The following ECM2 variants were observed in gnomAD, a reference collection of about 807,000 sequenced individuals.
The protein encoded by ECM2 is extracellular matrix protein 2, female organ and adipocyte specific.
A neutral mutation model predicts 67.5 loss-of-function variants in ECM2; 57 were observed. The observed-to-expected ratio is 0.84, with a 90% CI of 0.68 to 1.05. ECM2 has a LOEUF of 1.05. Ranked by LOEUF, ECM2 falls within the 50% of genes least tolerant of loss-of-function variation. The pLI is 0.00. For missense variants in ECM2, 741 were observed against 822.8 expected, an observed-to-expected ratio of 0.90 and a Z score of 1.22; for synonymous variants, 258 against 294.5, an observed-to-expected ratio of 0.88 and a Z score of 1.27.
chr9:92,510,081 T>C, intron 5 of ECM2, 47 bp from the exon 6 acceptor site: 1 of 1,553,474 alleles, frequency 6.4e-7, no homozygotes, highest in Non-Finnish European at 8.6e-7. Flanking sequence ...GTCACAGCTG[T>C]GCAGTCACAT....
chr9:92,536,217 G>T, upstream of ECM2: 1 of 336,372 alleles, frequency 3.0e-6, no homozygotes, highest in Non-Finnish European at 5.6e-6. Context: ...AGTGGGTGTG[G>T]GGGAAGAGCA....
chr9:92,497,075 T>C (rs768822544), intron 9 of ECM2, among the ~76,000 whole-genome samples: 1 of 152,150 alleles, frequency 6.6e-6, no homozygotes, highest in African/African-American at 2.4e-5. Context: ...TAAAATTACA[T>C]ACACACTTTA....
the ECM2 span, among the ~76,000 whole-genome samples, chr9:92,545,925 G>A: frequency 6.6e-6 from 1 of 152,026 alleles, no homozygotes. Flanking sequence ...GTCTAGCTAA[G>A]GGATTGTGAA....
the ECM2 span, among the ~76,000 whole-genome samples, chr9:92,545,916 T>C: frequency 6.6e-6 from 1 of 152,256 alleles, no homozygotes; most frequent in African/African-American, 2.4e-5. Context: ...AACCTTTATG[T>C]CTAGCTAAGG....
the ECM2 span, among the ~76,000 whole-genome samples, chr9:92,551,964 G>GATATATATA: frequency 5.7e-5 from 6 of 105,558 alleles, no homozygotes; most frequent in South Asian, 2.5e-4. Flanking sequence ...ATATATATAT[G>GATATATATA]TGTGATATAT....
At chr9:92,519,425 AGATAT>A (rs1847926777) in intron 2 of ECM2, among the ~76,000 whole-genome samples, 1 of 152,254 alleles carries the variant, frequency 6.6e-6, no homozygotes, top group Non-Finnish European at 1.5e-5. Flanking sequence ...CTCACTATAA[AGATAT>A]GATAATCAGC....
At chr9:92,501,938 T>C (rs1846705254) in intron 8 of ECM2, among the ~76,000 whole-genome samples, 2 of 152,232 alleles carry the variant, frequency 1.3e-5, no homozygotes, top group Non-Finnish European at 1.5e-5. Flanking sequence ...TGGCCTGCAC[T>C]GTTAGGCCAA....
At chr9:92,500,339 C>T (rs144111152) in intron 9 of ECM2, among the ~76,000 whole-genome samples, 1 of 152,128 alleles carries the variant, frequency 6.6e-6, no homozygotes, top group Non-Finnish European at 1.5e-5. Flanking sequence ...CGCACCACCA[C>T]GCCCTGCTAA....
At position 92,505,619 on chromosome 9, in the gene ECM2, A is replaced by G; in HGVS notation, c.1378T>C (p.Phe460Leu). The G allele has an allele frequency of 6.2e-7, 1 of 1,611,178 alleles. No homozygotes were observed. Among genetic ancestry groups the G allele is most frequent in the South Asian group, 1.1e-5 (1 of 89,954 alleles). The change falls in exon 7 of 10, where the codon TTC (phenylalanine) becomes CTC (leucine). Residue 460 changes from phenylalanine to leucine, a missense_variant. Transcript: ENST00000344604. ...TAGGCTAGGCTCTTCAAAGGTTTGA[A>G]AGCTAAAGGATTGACATTGGCTTCA... is the stretch of plus-strand genomic sequence containing the variant. The part of the protein sequence containing the change: ...LSEANVNPLA[F>L]KPLKSLAYLR...
intron 1 of ECM2, among the ~76,000 whole-genome samples, chr9:92,534,879 C>T (rs1849071507): frequency 6.6e-6 from 1 of 152,126 alleles, no homozygotes; most frequent in Non-Finnish European, 1.5e-5. Context: ...GCAGACCTTC[C>T]ATCCTGTTGT....
chr9:92,503,043 A>G (rs913388381), intron 7 of ECM2, among the ~76,000 whole-genome samples: 1 of 151,996 alleles, frequency 6.6e-6, no homozygotes, highest in Non-Finnish European at 1.5e-5. Flanking sequence ...CCTAAGCTCA[A>G]GTGATCTACC....
rs769007025 is a variant in ECM2 at position 92,515,108 on chromosome 9, T to C, written c.577A>G (p.Lys193Glu). 6.2e-7 allele frequency: 1 copy of C among 1,613,986 alleles called. No individual in the cohort carries two copies. Residue 193 changes from lysine (K) to glutamate (E), a missense_variant, in exon 4 of 10, where the codon AAG (lysine) becomes GAG (glutamate). Lys to Glu is a moderately conservative substitution (Grantham distance 56, BLOSUM62 1). Coordinates refer to ENST00000344604, the MANE Select transcript of ECM2 (RefSeq NM_001393.4). Reference sequence around the variant, plus strand: ...CCCACCTGAGGAGGTGGCAGTTGCTTATGAAGTAAATTGGTAGGTTCTCTT... The same window carrying C: ...CCCACCTGAGGAGGTGGCAGTTGCTCATGAAGTAAATTGGTAGGTTCTCTT... Reference protein sequence around the residue: ...EQREPTNLLHKQLPPPQVGMD... With the variant: ...EQREPTNLLHEQLPPPQVGMD...
At position 92,515,125 on chromosome 9, in the gene ECM2, G is replaced by C. The variant is rs149769253; in HGVS notation, c.560C>G (p.Pro187Arg). The C allele has an allele frequency of 8.7e-6, 14 of 1,613,246 alleles. No homozygotes were observed. The highest frequency in any genetic ancestry group is 2.2e-5 in the South Asian group (2 of 90,788). The change falls in exon 4 of 10, where the codon CCT becomes CGT. Residue 187 changes from proline (P) to arginine (R), a missense_variant. Coordinates refer to ENST00000344604, the MANE Select transcript of ECM2 (RefSeq NM_001393.4). Reference protein sequence around the residue: ...FSGDSSEQREPTNLLHKQLPP... With the variant: ...FSGDSSEQRERTNLLHKQLPP... ...CAGTTGCTTATGAAGTAAATTGGTA[G>C]GTTCTCTTTGTTCTGAAGAATCACC... is the stretch of plus-strand genomic sequence containing the variant.
chr9:92,546,838 A>C, the ECM2 span, among the ~76,000 whole-genome samples: 1 of 152,220 alleles, frequency 6.6e-6, no homozygotes, highest in Admixed American at 6.5e-5. Context: ...CAGAAAATCT[A>C]AATTGTCTAT....
At chr9:92,494,087 C>G (rs779739407), downstream of ECM2, 11 of 1,597,364 alleles carry the variant, frequency 6.9e-6, no homozygotes, top group Non-Finnish European at 7.6e-6. Flanking sequence ...TTGCCTCTAC[C>G]AGAGAGGAAA....
At chr9:92,547,032 G>A in the ECM2 span, among the ~76,000 whole-genome samples, 42 of 152,120 alleles carry the variant, frequency 2.8e-4, no homozygotes, top group African/African-American at 4.3e-4. Context: ...TTTAAAATAC[G>A]TATATATTAG....
chr9:92,530,417 C>A (rs932977715), intron 1 of ECM2, among the ~76,000 whole-genome samples: 11 of 152,040 alleles, frequency 7.2e-5, no homozygotes, highest in African/African-American at 2.7e-4. Flanking sequence ...GAAAAAAAGT[C>A]TGTTAAAAAA....
In ECM2 at chr9:92,500,723, T is replaced by G. The variant is rs140117576; in HGVS notation, c.1931+4A>C. 1.0e-5 allele frequency: 16 copies of G among 1,596,550 alleles called. No homozygotes were observed. In the East Asian group the frequency reaches 3.6e-4, roughly 36 times the overall value. On this transcript the variant is annotated splice_donor_region_variant and intron_variant, in intron 9 of 9. Coordinates refer to ENST00000344604, the MANE Select transcript of ECM2 (RefSeq NM_001393.4). ...AACAGATACTTGAAAAAGCCAAAAT[T>G]TACCGTATCTTGTTGTTGTTCAGCC... is the stretch of plus-strand genomic sequence containing the variant.
downstream of ECM2, chr9:92,494,125 C>T: frequency 6.3e-7 from 1 of 1,597,790 alleles, no homozygotes; most frequent in Non-Finnish European, 8.5e-7. Flanking sequence ...TTGTCACTGT[C>T]TCTAGAACAG....
Sources: allele counts gnomAD v4.1 joint callset (sites outside exome capture counted in the v4.1 genomes callset), GRCh38; gene constraint gnomAD v4.1.1; transcripts MANE v1.5; gene names NCBI Gene and HGNC (gene_info 2026-07-23, HGNC 2026-07-21).